CENPM: variants seen among roughly 807,000 people sequenced by gnomAD.
CENPM encodes centromere protein M, also known as interphase centromere complex protein 39.
Under a neutral mutation model 19.6 loss-of-function variants are expected in CENPM, and 14 were observed. The ratio of observed to expected loss-of-function variants is 0.71; its 90% CI spans 0.47 to 1.11. CENPM has a LOEUF of 1.11. Ranked by LOEUF, CENPM falls within the 50% of genes most tolerant of loss-of-function variation. CENPM has a pLI of 0.00. For synonymous variants in CENPM, 114 were observed against 101.5 expected (o/e 1.12, Z -0.74); for missense variants, 239 against 228.4 (o/e 1.05, Z -0.30).
the CENPM span, among the ~76,000 whole-genome samples, chr22:41,930,622 G>A: frequency 1.7e-4 from 25 of 150,620 alleles, no homozygotes; most frequent in African/African-American, 4.9e-4. Flanking sequence ...AGGTTCAAGC[G>A]ATTCTCCTGC....
In CENPM at chr22:41,939,155, G is replaced by C; in HGVS notation, c.444C>G (p.Arg148=). ...CGTGGCCAGCACAGATCTGCAGCAC[G>C]CGCACCAGGCGCTGCGCCATGGTGG... ...FRATMAQRLV[R]VLQICAGHVP... The change falls in exon 6 of 6, where the codon CGC becomes CGG. Residue 148 remains arginine (R), a synonymous_variant. Coordinates refer to ENST00000215980, the MANE Select transcript of CENPM (RefSeq NM_024053.5). 2 of 1,612,532 alleles carry C rather than the reference G, an allele frequency of 1.2e-6. No homozygotes were observed. Among genetic ancestry groups the C allele is most frequent in the Non-Finnish European group, 1.7e-6 (2 of 1,179,790 alleles).
chr22:41,942,469 G>A (rs1276613543), intron 5 of CENPM, among the ~76,000 whole-genome samples: 1 of 152,142 alleles, frequency 6.6e-6, no homozygotes, highest in Non-Finnish European at 1.5e-5. Flanking sequence ...AATAAACAGT[G>A]GCCGGGTGCA....
At chr22:41,930,460 T>G in the CENPM span, among the ~76,000 whole-genome samples, 1 of 152,138 alleles carries the variant, frequency 6.6e-6, no homozygotes, top group Non-Finnish European at 1.5e-5. Flanking sequence ...CTTGAACTCC[T>G]GACCTCAAGT....
At chr22:41,927,291 G>T in the CENPM span, among the ~76,000 whole-genome samples, 1 of 152,174 alleles carries the variant, frequency 6.6e-6, no homozygotes, top group Non-Finnish European at 1.5e-5. Flanking sequence ...GCCCTCTGCT[G>T]GGTGCTGGGA....
the CENPM span, among the ~76,000 whole-genome samples, chr22:41,927,420 C>G: frequency 1.3e-5 from 2 of 152,230 alleles, no homozygotes; most frequent in South Asian, 2.1e-4. Flanking sequence ...TCCATGACCC[C>G]GAGTGCTCCC....
At position 41,945,988 on chromosome 22, in the gene CENPM, A is replaced by T; in HGVS notation, c.155T>A (p.Leu52His). ...CCGATTCACACTGGAGGGCAAAGGG[A>T]GGGACTTTGCCAAGTGGCTGAAAAA... ...SELKVHLAKSLPLPSSVNRPR... is the reference protein window; with the variant it reads ...SELKVHLAKSHPLPSSVNRPR... Residue 52 changes from leucine (L) to histidine (H), a missense_variant, in exon 3 of 6, where the codon CTC becomes CAC. By Grantham distance (99) the Leu-to-His change is moderately conservative (BLOSUM62 -3). Coordinates refer to ENST00000215980, the MANE Select transcript of CENPM (RefSeq NM_024053.5). The T allele has an allele frequency of 6.2e-7, 1 of 1,613,788 alleles. No homozygotes were observed. Among genetic ancestry groups the T allele is most frequent in the Non-Finnish European group, 8.5e-7 (1 of 1,179,806 alleles).
At chr22:41,943,483 C>T (rs1485001028) in intron 5 of CENPM, 127 bp downstream of exon 5, 2 of 735,760 alleles carry the variant, frequency 2.7e-6, no homozygotes, top group African/African-American at 1.8e-5. Flanking sequence ...TGTCTCCCTC[C>T]CCTTCAGGAG....
Position 41,939,145 on chromosome 22 carries a change from T to C in CENPM, c.454A>G (p.Ile152Val). The change falls in exon 6 of 6, where the codon ATC (isoleucine) becomes GTC (valine). Residue 152 changes from isoleucine (I) to valine (V), a missense_variant. Transcript: ENST00000215980. ...ACACCGGGCACGTGGCCAGCACAGA[T>C]CTGCAGCACGCGCACCAGGCGCTGC... ...MAQRLVRVLQ[I>V]CAGHVPGVSA... is the part of the protein sequence containing the mutation. The C allele has an allele frequency of 6.2e-7, 1 of 1,612,778 alleles. No homozygotes were observed. The highest frequency in any genetic ancestry group is 1.3e-5 in the African/African-American group (1 of 75,042).
intron 5 of CENPM, among the ~76,000 whole-genome samples, chr22:41,939,860 G>GAAAGAAAAAGAAAGAA (rs2077718089): frequency 1.9e-4 from 1 of 5,386 alleles, no homozygotes; most frequent in African/African-American, 4.3e-4. Flanking sequence ...AAGAAAGAAA[G>GAAAGAAAAAGAAAGAA]AAAGAAAGAA....
the CENPM span, among the ~76,000 whole-genome samples, chr22:41,932,732 G>A: frequency 6.6e-6 from 1 of 152,212 alleles, no homozygotes; most frequent in Non-Finnish European, 1.5e-5. This position sits in a 1 kb window ranked among gnomAD's most constrained non-coding sequence, Gnocchi z 4.3. Context: ...GTGAAGTAGA[G>A]GGAGGCTGTA....
chr22:41,946,157 GCA>G, intron 2 of CENPM, 152 bp from the exon 3 acceptor site: 2 of 721,954 alleles, frequency 2.8e-6, no homozygotes, highest in Non-Finnish European at 4.8e-6. Context: ...CCTTGGGCCA[GCA>G]CAGAGGCAGG....
At chr22:41,946,812 G>A in intron 1 of CENPM, 1 of 611,894 alleles carries the variant, frequency 1.6e-6, no homozygotes, top group Admixed American at 2.9e-5. Flanking sequence ...CTGGGAAAGG[G>A]TCCGCCGAGC....
chr22:41,939,878 A>AAGAAAGAAAAAG (rs1399573773), intron 5 of CENPM, among the ~76,000 whole-genome samples: 1 of 72,986 alleles, frequency 1.4e-5, no homozygotes, highest in African/African-American at 1.0e-4. Flanking sequence ...GAAAGAAAGA[A>AAGAAAGAAAAAG]AAAGAAAGAA....
At chr22:41,937,457 G>A (rs959247430), downstream of CENPM, among the ~76,000 whole-genome samples, 3 of 152,070 alleles carry the variant, frequency 2.0e-5, no homozygotes, top group Non-Finnish European at 4.4e-5. Context: ...TGCCATGCCC[G>A]GCTAATTTTC....
intron 5 of CENPM, 83 bp downstream of exon 5, chr22:41,943,527 C>T: frequency 2.5e-6 from 3 of 1,194,528 alleles, no homozygotes; most frequent in East Asian, 2.5e-5. Flanking sequence ...CTTCGATAAG[C>T]ATTCCCAATG....
chr22:41,933,783 C>T (rs1048926094), downstream of CENPM, among the ~76,000 whole-genome samples: 1 of 152,172 alleles, frequency 6.6e-6, no homozygotes, highest in East Asian at 1.9e-4. Flanking sequence ...TTCCAGAAAA[C>T]GTCCCTTTGT....
At chr22:41,932,625 G>A in the CENPM span, among the ~76,000 whole-genome samples, 9 of 152,230 alleles carry the variant, frequency 5.9e-5, no homozygotes, top group East Asian at 3.8e-4. This position sits in a 1 kb window ranked among gnomAD's most constrained non-coding sequence, Gnocchi z 4.3. Context: ...GCATGGCCCC[G>A]GGATAGAGGA....
downstream of CENPM, among the ~76,000 whole-genome samples, chr22:41,938,020 AT>A (rs1454011046): frequency 1.3e-5 from 2 of 149,630 alleles, no homozygotes; most frequent in Non-Finnish European, 3.0e-5. Flanking sequence ...ATTTGTTTGT[AT>A]TTTTAGTAGA....
In CENPM at chr22:41,945,339, A is replaced by G. The variant is rs983987198; in HGVS notation, c.231-35T>C. On this transcript the variant is annotated intron_variant, in intron 3 of 5. Transcript: ENST00000215980. The stretch of plus-strand genomic sequence containing the variant: ...CCAGGCCAGGGTGAGAAAACAAACC[A>G]GAGAACAAAACTTTACAACGGAGAA... 5 of 1,613,390 alleles carry G rather than the reference A, an allele frequency of 3.1e-6. No individual in the cohort carries two copies. In the African/African-American group the frequency reaches 5.3e-5, roughly 17 times the overall value.
Sources: gnomAD v4.1 joint callset for allele counts (sites outside exome capture counted in the v4.1 genomes callset) on GRCh38, gnomAD v4.1.1 for gene constraint, Gnocchi (gnomAD v3.1) non-coding constraint, MANE v1.5 for transcripts, NCBI Gene and HGNC (gene_info 2026-07-23, HGNC 2026-07-21) for gene names.